Variants in SLC17A8 observed in about 807,000 individuals in gnomAD.
The protein encoded by SLC17A8 is vesicular glutamate transporter 3.
SLC17A8 carries 31 observed loss-of-function variants against 58.0 expected under a neutral mutation model. That is an observed-to-expected ratio of 0.53 (90% CI 0.40 to 0.72). SLC17A8 has a LOEUF of 0.72. Among genes scored for constraint, SLC17A8 ranks in the 30% least tolerant of loss-of-function variants. SLC17A8 has a pLI of 0.00. For missense variants in SLC17A8, 655 were observed against 727.8 expected, an observed-to-expected ratio of 0.90 and a Z score of 1.15; for synonymous variants, 228 against 249.0, an observed-to-expected ratio of 0.92 and a Z score of 0.79.
intron 2 of SLC17A8, among the ~76,000 whole-genome samples, chr12:100,388,491 T>C (rs1566394551): frequency 2.0e-5 from 3 of 152,208 alleles, no homozygotes; most frequent in Non-Finnish European, 4.4e-5. Context: ...GATAGCTAGC[T>C]AGTTCCTTTT....
intron 1 of SLC17A8, among the ~76,000 whole-genome samples, chr12:100,372,012 G>C (rs1395557943): frequency 9.2e-5 from 14 of 152,202 alleles, no homozygotes; most frequent in Admixed American, 9.2e-4. Flanking sequence ...GTAGCAAGTA[G>C]TCAACGTCCT....
intron 2 of SLC17A8, among the ~76,000 whole-genome samples, chr12:100,383,389 G>A (rs541253251): frequency 3.9e-4 from 59 of 152,260 alleles, no homozygotes; most frequent in African/African-American, 1.4e-3. Flanking sequence ...TAGGAATTTA[G>A]TATCAGTAAC....
chr12:100,411,242 A>C (rs1450761928), intron 9 of SLC17A8, among the ~76,000 whole-genome samples: 2 of 152,154 alleles, frequency 1.3e-5, no homozygotes, highest in Non-Finnish European at 2.9e-5. Context: ...TGGGCGGACC[A>C]CCTGAGGTCA....
intron 9 of SLC17A8, among the ~76,000 whole-genome samples, chr12:100,405,951 A>C (rs1460643584): frequency 3.3e-5 from 5 of 152,188 alleles, no homozygotes; most frequent in African/African-American, 1.2e-4. Context: ...GTTCGAAATC[A>C]GTCAGGGCAA....
At chr12:100,403,003 A>T (rs1325193927) in intron 8 of SLC17A8, among the ~76,000 whole-genome samples, 2 of 152,164 alleles carry the variant, frequency 1.3e-5, no homozygotes, top group Admixed American at 1.3e-4. Context: ...GTGTTTTTGA[A>T]GCTAGCTCAA....
At position 100,420,511 on chromosome 12, in the gene SLC17A8, G is replaced by A. The variant is rs1228000922; in HGVS notation, c.*352G>A. 1 of 241,224 alleles carries A rather than the reference G, an allele frequency of 4.1e-6. No homozygotes were observed. Among genetic ancestry groups the A allele is most frequent in the African/African-American group, 2.2e-5 (1 of 44,666 alleles). The allele number at this position is 241,224 out of a possible 1,614,324, so 14.9% of individuals were successfully genotyped here. On this transcript the variant is annotated 3_prime_UTR_variant, in exon 12 of 12. Coordinates refer to ENST00000323346, the MANE Select transcript of SLC17A8 (RefSeq NM_139319.3). ...TGTTTGGCCAGAAGGAATGTAAACAGTAGTAGTAGCTGCCACCACATCTCT... is the reference window on the plus strand; with the variant it reads ...TGTTTGGCCAGAAGGAATGTAAACAATAGTAGTAGCTGCCACCACATCTCT...
chr12:100,381,048 T>G, intron 2 of SLC17A8, 95 bp downstream of exon 2: 1 of 1,462,300 alleles, frequency 6.8e-7, no homozygotes, highest in South Asian at 1.1e-5. Context: ...CTTGGCTTAC[T>G]GCAGCCCCAA....
chr12:100,415,476 A>G (rs1321720015), intron 10 of SLC17A8, among the ~76,000 whole-genome samples: 7 of 150,498 alleles, frequency 4.7e-5, no homozygotes, highest in African/African-American at 7.3e-5. Context: ...TCTGACACAC[A>G]GGCTGGTGTG....
Position 100,420,322 on chromosome 12 carries a change from T to A in SLC17A8, c.*163T>A. The A allele has an allele frequency of 3.2e-6, 2 of 633,298 alleles. No homozygotes were observed. Among genetic ancestry groups the A allele is most frequent in the Non-Finnish European group, 5.6e-6 (2 of 359,656 alleles). 39.2% of individuals were successfully genotyped at this position (633,298 alleles called of 1,614,324 possible). ...AAATATTATCTTTCAATGACATGTA[T>A]AGGTAAGGAGCTGCGCTCAGTTGAT... On this transcript the variant is annotated 3_prime_UTR_variant, in exon 12 of 12. Coordinates refer to ENST00000323346, the MANE Select transcript of SLC17A8 (RefSeq NM_139319.3).
intron 1 of SLC17A8, 138 bp from the exon 2 acceptor site, chr12:100,380,563 T>C: frequency 1.6e-6 from 1 of 616,656 alleles, no homozygotes; most frequent in Non-Finnish European, 2.7e-6. Flanking sequence ...ATAATAATAG[T>C]AATACCTCCA....
In SLC17A8 at chr12:100,404,158, A is replaced by G. The variant is rs750747199; in HGVS notation, c.1174A>G (p.Met392Val). Residue 392 changes from methionine to valine, a missense_variant, in exon 9 of 12, where the codon ATG becomes GTG. Met to Val is a conservative substitution (Grantham distance 21, BLOSUM62 1). Transcript: ENST00000323346. ...ILTTTAVRKI[M>V]NCGGFGMEAT... ...AACCACAACTGCTGTCAGAAAAATC[A>G]TGAACTGTGGAGGTACTGTGGATTT... 1.2e-5 allele frequency: 20 copies of G among 1,614,218 alleles called. No individual in the cohort carries two copies. The highest frequency in any genetic ancestry group is 4.5e-5 in the East Asian group (2 of 44,886).
intron 1 of SLC17A8, among the ~76,000 whole-genome samples, chr12:100,375,566 C>T (rs184178873): frequency 9.8e-5 from 15 of 152,312 alleles, no homozygotes; most frequent in Admixed American, 5.9e-4. Flanking sequence ...GCTGTCCCCA[C>T]GCCAAATGGG....
intron 2 of SLC17A8, among the ~76,000 whole-genome samples, chr12:100,387,491 G>C (rs1444465503): frequency 2.0e-5 from 3 of 152,198 alleles, no homozygotes; most frequent in Admixed American, 6.5e-5. Flanking sequence ...CAGCCTAGGG[G>C]CTCTTCTTCA....
chr12:100,402,943 C>T (rs1952801966), intron 8 of SLC17A8, among the ~76,000 whole-genome samples, 198 bp downstream of exon 8: 1 of 152,170 alleles, frequency 6.6e-6, no homozygotes, highest in African/African-American at 2.4e-5. Context: ...TAGCAAGGAT[C>T]AGAGCCGTAT....
chr12:100,420,133 G>A lies in SLC17A8; in HGVS notation c.1744G>A (p.Glu582Lys), dbSNP rs1450860928. 5 of 1,613,482 alleles carry A rather than the reference G, an allele frequency of 3.1e-6. No homozygotes were observed. In the African/African-American group the frequency reaches 6.7e-5, roughly 22 times the overall value. Reference sequence around the variant, plus strand: ...AGAGCTGACATCCTACCAGAATGAAGAGAGAAACTTCTCAACTATATCCTA... The same window carrying A: ...AGAGCTGACATCCTACCAGAATGAAAAGAGAAACTTCTCAACTATATCCTA... ...EEELTSYQNE[E>K]RNFSTIS Residue 582 changes from glutamate (E) to lysine (K), a missense_variant, in exon 12 of 12, where the codon GAG (glutamate) becomes AAG (lysine). By Grantham distance (56) the Glu-to-Lys change is moderately conservative. Transcript: ENST00000323346.
chr12:100,396,123 T>A (rs1369293740), intron 4 of SLC17A8, among the ~76,000 whole-genome samples: 1 of 152,182 alleles, frequency 6.6e-6, no homozygotes, highest in Non-Finnish European at 1.5e-5. Context: ...ACTTAGTCAC[T>A]TCCCAAAGGT....
rs111924306 is a variant in SLC17A8 at position 100,396,527 on chromosome 12, T to A, written c.676+110T>A. 3,529 of 788,042 alleles carry A rather than the reference T, an allele frequency of 4.5e-3. 80 individuals carry two copies. In the African/African-American group the frequency reaches 0.048, roughly 11 times the overall value. 48.8% of individuals were successfully genotyped at this position (788,042 alleles called of 1,614,324 possible). A position where few individuals can be genotyped will look rare whatever the true frequency, so the allele number is the denominator to read the frequency against. The stretch of plus-strand genomic sequence containing the variant: ...CTTTAGGGAGGCCGAGGCAGGAGGA[T>A]CCCTGGAGCCCAGGAGTTCGAGATC... On this transcript the variant is annotated intron_variant, in intron 5 of 11. Transcript: ENST00000323346.
At chr12:100,370,738 G>A (rs1488675517) in intron 1 of SLC17A8, among the ~76,000 whole-genome samples, 4 of 151,760 alleles carry the variant, frequency 2.6e-5, no homozygotes, top group Non-Finnish European at 5.9e-5. Context: ...GGCTTTTAAA[G>A]CCATAGAGAC....
intron 4 of SLC17A8, among the ~76,000 whole-genome samples, chr12:100,396,103 C>T (rs897199561): frequency 1.8e-4 from 27 of 152,332 alleles, no homozygotes; most frequent in African/African-American, 1.4e-4. Flanking sequence ...ATGAGGGCTA[C>T]ACCCTTATTA....
Sources: gnomAD v4.1 joint callset for allele counts (sites outside exome capture counted in the v4.1 genomes callset) on GRCh38, gnomAD v4.1.1 for gene constraint, MANE v1.5 for transcripts, NCBI Gene and HGNC (gene_info 2026-07-23, HGNC 2026-07-21) for gene names.